Variants in ATXN7 observed in about 807,000 individuals in gnomAD.
ATXN7 encodes the protein ataxin 7, also known as ataxin-7.
ATXN7 carries 12 observed loss-of-function variants against 70.5 expected under a neutral mutation model. The observed-to-expected ratio is 0.17, with a 90% CI of 0.11 to 0.28. The LOEUF (loss-of-function observed/expected upper bound fraction) is 0.28, where lower values mean the gene tolerates loss of function less well. Among genes scored for constraint, ATXN7 ranks in the 10% least tolerant of loss-of-function variants. The pLI, the probability that ATXN7 is intolerant of heterozygous loss-of-function variation, is 1.00. For synonymous variants in ATXN7, 498 were observed against 448.7 expected (o/e 1.11, Z -1.39); for missense variants, 1,256 against 1,131.7 (o/e 1.11, Z -1.58).
At position 63,988,303 on chromosome 3, in the gene ATXN7, C is replaced by T. The variant is rs777577691; in HGVS notation, c.1340C>T (p.Pro447Leu). The change falls in exon 9 of 13, where the codon CCT becomes CTT. Residue 447 changes from proline to leucine, a missense_variant. Transcript: ENST00000674280. ...SKPFVASKPK[P>L]HTPSLPRPPG... Reference sequence around the variant, plus strand: ...CCTTTTGTAGCTAGTAAACCTAAACCTCACACCCCCAGTCTTCCAAGGTAA... The same window carrying T: ...CCTTTTGTAGCTAGTAAACCTAAACTTCACACCCCCAGTCTTCCAAGGTAA... 1.2e-6 allele frequency: 2 copies of T among 1,614,080 alleles called. No homozygotes were observed. Among genetic ancestry groups the T allele is most frequent in the Admixed American group, 3.3e-5 (2 of 60,012 alleles).
chr3:63,882,824 G>C (rs1011798420), intron 1 of ATXN7, among the ~76,000 whole-genome samples: 4 of 152,220 alleles, frequency 2.6e-5, no homozygotes, highest in African/African-American at 9.7e-5. Context: ...GAACACCTTA[G>C]TGAGGCAGTT....
chr3:63,968,050 G>T, intron 5 of ATXN7: 1 of 1,242,210 alleles, frequency 8.1e-7, no homozygotes, highest in Admixed American at 2.0e-5. Context: ...GTGGACGGTG[G>T]GGTAGGTCTT....
rs1576006097 is a variant in ATXN7 at position 63,996,005 on chromosome 3, C to T, written c.2183C>T (p.Ser728Phe). Residue 728 changes from serine to phenylalanine, a missense_variant, in exon 12 of 13, where the codon TCT becomes TTT. Coordinates refer to ENST00000674280, the MANE Select transcript of ATXN7 (RefSeq NM_001377405.1). The stretch of plus-strand genomic sequence containing the variant: ...TCCTCTTCCTCCTCCTCCTCTTCTT[C>T]TCATTCCATGGAGTCTTTTAGGAAA... Reference protein sequence around the residue: ...SSSSSSSSSSSHSMESFRKNC... With the variant: ...SSSSSSSSSSFHSMESFRKNC... The T allele has an allele frequency of 2.5e-6, 4 of 1,614,240 alleles. No homozygotes were observed. The highest frequency in any genetic ancestry group is 1.1e-5 in the South Asian group (1 of 91,088).
At chr3:63,911,351 G>A (rs1326991826) in intron 2 of ATXN7, among the ~76,000 whole-genome samples, 1 of 152,044 alleles carries the variant, frequency 6.6e-6, no homozygotes, top group Non-Finnish European at 1.5e-5. Context: ...GTTGGGGAGG[G>A]GTGCTAAGTT....
intron 1 of ATXN7, among the ~76,000 whole-genome samples, chr3:63,884,554 T>TTAA (rs1703024762): frequency 2.0e-5 from 3 of 152,092 alleles, no homozygotes; most frequent in Non-Finnish European, 4.4e-5. Flanking sequence ...TGGGAGAGAA[T>TTAA]AGATAAATCT....
intron 9 of ATXN7, among the ~76,000 whole-genome samples, chr3:63,989,006 G>C (rs978838699): frequency 3.9e-5 from 6 of 152,194 alleles, no homozygotes; most frequent in Admixed American, 1.3e-4. Context: ...TCATTTATTG[G>C]GAGCAAGAGC....
chr3:63,871,915 C>T (rs545467523), intron 1 of ATXN7, among the ~76,000 whole-genome samples: 1 of 150,950 alleles, frequency 6.6e-6, no homozygotes, highest in African/African-American at 2.4e-5. Flanking sequence ...TTAAATTGTT[C>T]CTTTTTTTTC....
chr3:63,995,918 C>G lies in ATXN7; in HGVS notation c.2096C>G (p.Thr699Ser), dbSNP rs1343809982. The G allele has an allele frequency of 3.7e-6, 6 of 1,614,062 alleles. No individual in the cohort carries two copies. The highest frequency in any genetic ancestry group is 5.1e-6 in the Non-Finnish European group (6 of 1,180,042). The change falls in exon 12 of 13, where the codon ACC (threonine) becomes AGC (serine). Residue 699 changes from threonine (T) to serine (S), a missense_variant. Physicochemically the swap from Thr to Ser is moderately conservative, Grantham distance 58 (BLOSUM62 1). Coordinates refer to ENST00000674280, the MANE Select transcript of ATXN7 (RefSeq NM_001377405.1). The part of the protein sequence containing the change: ...STNCQNASSS[T>S]SGGSGKKRKN... ...AACTGTCAAAATGCCAGTAGCAGTACCAGTGGCGGCTCAGGAAAGAAACGC... is the reference window on the plus strand; with the variant it reads ...AACTGTCAAAATGCCAGTAGCAGTAGCAGTGGCGGCTCAGGAAAGAAACGC...
At chr3:63,893,304 A>G (rs1024930541) in intron 1 of ATXN7, among the ~76,000 whole-genome samples, 3 of 152,208 alleles carry the variant, frequency 2.0e-5, no homozygotes, top group African/African-American at 7.2e-5. Context: ...TGGGAATTTT[A>G]TATTTTACTT....
intron 5 of ATXN7, among the ~76,000 whole-genome samples, chr3:63,953,674 A>G (rs1018821168): frequency 2.2e-5 from 3 of 133,796 alleles, no homozygotes; most frequent in South Asian, 2.3e-4. Flanking sequence ...TTTTTTTTTG[A>G]GACGGCCTCT....
chr3:63,882,534 G>A (rs1343790714), intron 1 of ATXN7, among the ~76,000 whole-genome samples: 4 of 151,834 alleles, frequency 2.6e-5, no homozygotes, highest in African/African-American at 4.8e-5. Context: ...GTAGACATGT[G>A]CCACCATGCC....
chr3:63,954,484 T>C (rs1403201129), intron 5 of ATXN7, among the ~76,000 whole-genome samples: 1 of 152,176 alleles, frequency 6.6e-6, no homozygotes, highest in East Asian at 1.9e-4. Context: ...CGGAGTTCCC[T>C]GCTCTGGACG....
intron 3 of ATXN7, 41 bp downstream of exon 3, chr3:63,912,964 AC>A (rs1704109539): frequency 3.0e-6 from 3 of 1,011,504 alleles, no homozygotes; most frequent in Middle Eastern, 3.9e-4. Flanking sequence ...CCCCCTCGCG[AC>A]CCCCTCCTCT....
rs78574153 is a variant in ATXN7, at chr3:63,945,334, A to G, written c.395-7045A>G. On this transcript the variant is annotated intron_variant, in intron 4 of 12. Transcript: ENST00000674280. Reference sequence around the variant, plus strand: ...TCTCACTGCAGAACTGCTTTTAGCTACTGTGCTGGATTCACTAGCACAAAA... The same window carrying G: ...TCTCACTGCAGAACTGCTTTTAGCTGCTGTGCTGGATTCACTAGCACAAAA... Among the ~76,000 whole-genome samples the G allele has an allele frequency of 3.8e-3, 580 of 152,362 alleles. 5 individuals carry two copies. Among genetic ancestry groups the G allele is most frequent in the African/African-American group, 0.012 (517 of 41,586 alleles).
chr3:63,969,525 T>G (rs2075278783), intron 5 of ATXN7, among the ~76,000 whole-genome samples: 1 of 152,226 alleles, frequency 6.6e-6, no homozygotes, highest in Non-Finnish European at 1.5e-5. Flanking sequence ...TCCTCTAAAT[T>G]GAGTTTTACC....
intron 4 of ATXN7, among the ~76,000 whole-genome samples, chr3:63,924,589 A>G (rs954731038): frequency 1.1e-4 from 16 of 152,230 alleles, no homozygotes; most frequent in Non-Finnish European, 1.9e-4. Flanking sequence ...GGGAAGAGAG[A>G]AGAACATGCT....
intron 4 of ATXN7, among the ~76,000 whole-genome samples, chr3:63,928,534 T>G (rs984609298): frequency 6.6e-6 from 1 of 152,254 alleles, no homozygotes; most frequent in Non-Finnish European, 1.5e-5. Context: ...GAGCACTTAC[T>G]GTGTGTGTCA....
At chr3:63,975,641 T>TTAATAC (rs2075377908) in intron 5 of ATXN7, among the ~76,000 whole-genome samples, 1 of 152,196 alleles carries the variant, frequency 6.6e-6, no homozygotes, top group African/African-American at 2.4e-5. Flanking sequence ...TCCTTTTTGG[T>TTAATAC]GTGTACCTGG....
At chr3:63,865,646 C>T (rs1437653818) in intron 1 of ATXN7, among the ~76,000 whole-genome samples, 3 of 152,112 alleles carry the variant, frequency 2.0e-5, no homozygotes, top group Middle Eastern at 3.4e-3. Context: ...AATCCCAGCA[C>T]TTTGGGAGGC....
Sources: allele counts gnomAD v4.1 joint callset (sites outside exome capture counted in the v4.1 genomes callset), GRCh38; gene constraint gnomAD v4.1.1; transcripts MANE v1.5; gene names NCBI Gene and HGNC (gene_info 2026-07-23, HGNC 2026-07-21).